The following ANAPC10 variants were observed in gnomAD, a reference collection of about 807,000 sequenced individuals.
ANAPC10 encodes anaphase-promoting complex subunit 10.
ANAPC10 carries 12 observed loss-of-function variants against 22.0 expected under a neutral mutation model. The ratio of observed to expected loss-of-function variants is 0.55; its 90% CI spans 0.35 to 0.88. The LOEUF is 0.88. Ranked by LOEUF, ANAPC10 falls within the 40% of genes least tolerant of loss-of-function variation. The probability of loss-of-function intolerance (pLI) is 0.01; values close to 1 mark genes in which losing one functional copy is unlikely to be tolerated. For missense variants in ANAPC10, 188 were observed against 220.9 expected (o/e 0.85, Z 0.94); for synonymous variants, 65 against 69.5 (o/e 0.94, Z 0.32).
chr4:145,012,110 T>C (rs930637154), intron 4 of ANAPC10, among the ~76,000 whole-genome samples: 1 of 151,122 alleles, frequency 6.6e-6, no homozygotes, highest in Admixed American at 6.6e-5. Flanking sequence ...AAACATCACC[T>C]AGAGCAGCTC....
In ANAPC10 at chr4:145,095,972, T is replaced by A; in HGVS notation, c.115+13A>T. The A allele has an allele frequency of 6.2e-7, 1 of 1,614,018 alleles. No homozygotes were observed. Among genetic ancestry groups the A allele is most frequent in the Non-Finnish European group, 8.5e-7 (1 of 1,179,910 alleles). On this transcript the variant is annotated intron_variant, in intron 2 of 4. Coordinates refer to ENST00000507656, the MANE Select transcript of ANAPC10 (RefSeq NM_001256706.2). The stretch of plus-strand genomic sequence containing the variant: ...GACTATTTCCAACAGCTTTTTTGTT[T>A]GTTAGTTTTTACCTGGTTTGCAAGA...
At chr4:145,045,604 CA>C (rs1172864772) in intron 4 of ANAPC10, among the ~76,000 whole-genome samples, 1 of 152,012 alleles carries the variant, frequency 6.6e-6, no homozygotes, top group Non-Finnish European at 1.5e-5. Flanking sequence ...TACTAAGATA[CA>C]ATACTCCACT....
chr4:145,042,459 T>A (rs978164116), intron 4 of ANAPC10, among the ~76,000 whole-genome samples: 1 of 152,126 alleles, frequency 6.6e-6, no homozygotes, highest in Admixed American at 6.6e-5. Flanking sequence ...AGGGCAAACA[T>A]CAATATTTAA....
At chr4:145,064,507 T>A in intron 4 of ANAPC10, 65 bp downstream of exon 4, 1 of 1,341,936 alleles carries the variant, frequency 7.5e-7, no homozygotes, top group Non-Finnish European at 1.0e-6. Context: ...TAATGTCAAC[T>A]GTGACTATCT....
intron 2 of ANAPC10, among the ~76,000 whole-genome samples, chr4:145,089,110 C>T (rs1025904022): frequency 1.2e-4 from 19 of 152,154 alleles, no homozygotes; most frequent in Admixed American, 2.6e-4. Context: ...TAGCCTCCCA[C>T]TTAAAGTTAC....
At chr4:145,093,535 T>A (rs1334029629) in intron 2 of ANAPC10, among the ~76,000 whole-genome samples, 3 of 149,732 alleles carry the variant, frequency 2.0e-5, no homozygotes, top group Non-Finnish European at 3.0e-5. Context: ...CAGACAGGAA[T>A]CTTAAATAAC....
intron 3 of ANAPC10, among the ~76,000 whole-genome samples, chr4:145,070,538 T>C (rs1744345454): frequency 6.6e-6 from 1 of 152,208 alleles, no homozygotes; most frequent in African/African-American, 2.4e-5. Flanking sequence ...TTCTGGGCAT[T>C]ACCAGTGGGA....
chr4:145,066,619 G>A (rs749155389), intron 3 of ANAPC10, among the ~76,000 whole-genome samples: 2 of 152,036 alleles, frequency 1.3e-5, no homozygotes, highest in Non-Finnish European at 2.9e-5. Context: ...GTTTAGAAAA[G>A]CAAAGAATAC....
At chr4:145,012,613 G>T (rs1233177726) in intron 4 of ANAPC10, among the ~76,000 whole-genome samples, 1 of 152,002 alleles carries the variant, frequency 6.6e-6, no homozygotes, top group Admixed American at 6.6e-5. Context: ...CTAACATAAA[G>T]AAGTAGAAAA....
In ANAPC10 at chr4:145,039,440, CCATT is replaced by C. The variant is rs910850944; in HGVS notation, c.327+25128_327+25131del. On this transcript the variant is annotated intron_variant, in intron 4 of 4. Transcript: ENST00000507656. Reference sequence around the variant, plus strand: ...GAAAGAGACATGATTAAGGCTGACTCCATTCAAGTTTTCTTGCTTTAGATTTTTC... The same window carrying C: ...GAAAGAGACATGATTAAGGCTGACTCCAAGTTTTCTTGCTTTAGATTTTTC... 5.3e-5 allele frequency among the ~76,000 whole-genome samples: 8 copies of C among 152,266 alleles called. No homozygotes were observed. The East Asian group carries it at 5.8e-4, about 11-fold the overall frequency.
intron 4 of ANAPC10, among the ~76,000 whole-genome samples, chr4:145,053,054 C>T (rs545567488): frequency 6.6e-6 from 1 of 152,148 alleles, no homozygotes; most frequent in African/African-American, 2.4e-5. Context: ...AAACCTTATC[C>T]TGACTGATGA....
In ANAPC10 at chr4:145,084,661, G is replaced by A. The variant is rs578040133; in HGVS notation, c.116-2911C>T. 8.6e-5 allele frequency among the ~76,000 whole-genome samples: 13 copies of A among 151,996 alleles called. No individual in the cohort carries two copies. The South Asian group carries it at 2.3e-3, about 27-fold the overall frequency. On this transcript the variant is annotated intron_variant, in intron 2 of 4. Transcript: ENST00000507656. Reference sequence around the variant, plus strand: ...AAAGCTGTCCTGGGCCATATATGTCGATAAAATGTAAAAATTGGGCTATTA... The same window carrying A: ...AAAGCTGTCCTGGGCCATATATGTCAATAAAATGTAAAAATTGGGCTATTA...
intron 3 of ANAPC10, among the ~76,000 whole-genome samples, chr4:145,067,447 C>T (rs535433659): frequency 1.6e-3 from 246 of 152,250 alleles, no homozygotes; most frequent in South Asian, 3.3e-3. Context: ...TCACTCACTA[C>T]ACGCTTTCTC....
Position 145,026,971 on chromosome 4 carries a change from A to G in ANAPC10, c.328-31368T>C, listed in dbSNP as rs1237902996. The stretch of plus-strand genomic sequence containing the variant: ...TGTGTGTGTGTGTATATATATATAT[A>G]TATATATATATATATATTTTTTTTT... On this transcript the variant is annotated intron_variant, in intron 4 of 4. Transcript: ENST00000507656. Among the ~76,000 whole-genome samples the G allele has an allele frequency of 1.1e-3, 33 of 28,924 alleles. 2 individuals are homozygous for G. In the East Asian group the frequency reaches 0.02, roughly 17 times the overall value. 19.0% of individuals were successfully genotyped at this position (28,924 alleles called of 152,430 possible). A position where few individuals can be genotyped will look rare whatever the true frequency, so the allele number is the denominator to read the frequency against.
At chr4:145,092,054 C>A (rs1747759619) in intron 2 of ANAPC10, among the ~76,000 whole-genome samples, 1 of 152,110 alleles carries the variant, frequency 6.6e-6, no homozygotes, top group African/African-American at 2.4e-5. Context: ...CCTCAGCAAA[C>A]TAACACAGGA....
Position 145,080,821 on chromosome 4 carries a change from C to A in ANAPC10, c.206+839G>T, listed in dbSNP as rs1397397403. Among the ~76,000 whole-genome samples the A allele has an allele frequency of 3.3e-5, 5 of 150,544 alleles. No individual in the cohort carries two copies. The Admixed American group carries it at 3.3e-4, about 10-fold the overall frequency. On this transcript the variant is annotated intron_variant, in intron 3 of 4. Coordinates refer to ENST00000507656, the MANE Select transcript of ANAPC10 (RefSeq NM_001256706.2). ...ACTCGGAAGGCTGAGGCAGGAGAAT[C>A]GCTTGAACCTGGGAGGCGGAGGTTG...
intron 4 of ANAPC10, among the ~76,000 whole-genome samples, chr4:145,041,223 G>A (rs1170960842): frequency 6.6e-6 from 1 of 152,108 alleles, no homozygotes; most frequent in African/African-American, 2.4e-5. Flanking sequence ...CAATAGTTAA[G>A]GTGAAATTTT....
At chr4:145,065,613 T>C (rs1488050488) in intron 3 of ANAPC10, among the ~76,000 whole-genome samples, 1 of 151,978 alleles carries the variant, frequency 6.6e-6, no homozygotes, top group Non-Finnish European at 1.5e-5. Context: ...ATTAAATCAC[T>C]AGAAAATTAA....
At chr4:145,080,871 C>T (rs1015593547) in intron 3 of ANAPC10, among the ~76,000 whole-genome samples, 9 of 146,610 alleles carry the variant, frequency 6.1e-5, no homozygotes, top group African/African-American at 2.3e-4. Flanking sequence ...CACGCCACTG[C>T]ACTCCAGCCC....
Sources: gnomAD v4.1 joint callset for allele counts (sites outside exome capture counted in the v4.1 genomes callset) on GRCh38, gnomAD v4.1.1 for gene constraint, MANE v1.5 for transcripts, NCBI Gene and HGNC (gene_info 2026-07-23, HGNC 2026-07-21) for gene names.